The following MND1 variants were observed in gnomAD, a reference collection of about 807,000 sequenced individuals.
MND1 encodes the protein meiotic nuclear division protein 1 homolog.
Under a neutral mutation model 35.1 loss-of-function variants are expected in MND1, and 28 were observed. That is an observed-to-expected ratio of 0.80 (90% CI 0.59 to 1.09). The LOEUF is 1.09. MND1 is among the 50% of genes least tolerant of loss of function. The pLI is 0.00. For synonymous variants in MND1, 69 were observed against 70.5 expected (o/e 0.98, Z 0.11); for missense variants, 213 against 239.6 (o/e 0.89, Z 0.73).
intron 2 of MND1, among the ~76,000 whole-genome samples, chr4:153,354,543 C>G (rs1579895936): frequency 1.3e-5 from 2 of 152,120 alleles, no homozygotes; most frequent in East Asian, 3.9e-4. Context: ...TATACTCTTG[C>G]CCAGGCTGGA....
chr4:153,392,047 A>G (rs996313499), intron 4 of MND1, among the ~76,000 whole-genome samples: 1 of 152,120 alleles, frequency 6.6e-6, no homozygotes, highest in Admixed American at 6.6e-5. Flanking sequence ...TACTCTTTAC[A>G]TATAACTAGA....
In MND1 at chr4:153,394,355, A is replaced by G; in HGVS notation, c.351+19A>G. ...TGAAACGGTAAGTTTGTGTCTATAG[A>G]TTATTTTAATAATGGCAATTCTAAA... On this transcript the variant is annotated intron_variant, in intron 5 of 7. Coordinates refer to ENST00000240488, the MANE Select transcript of MND1 (RefSeq NM_032117.4). 1 of 1,589,916 alleles carries G rather than the reference A, an allele frequency of 6.3e-7. No homozygotes were observed. The highest frequency in any genetic ancestry group is 8.6e-7 in the Non-Finnish European group (1 of 1,163,432).
chr4:153,371,841 TG>T (rs1454194853), intron 4 of MND1, among the ~76,000 whole-genome samples: 26 of 152,284 alleles, frequency 1.7e-4, no homozygotes, highest in Admixed American at 1.5e-3. Flanking sequence ...CCGCCTGTTT[TG>T]GCTTTTGACT....
intron 4 of MND1, among the ~76,000 whole-genome samples, chr4:153,371,778 A>C (rs1205916915): frequency 6.6e-6 from 1 of 152,132 alleles, no homozygotes; most frequent in African/African-American, 2.4e-5. Flanking sequence ...TTCTTTCAGG[A>C]ACTTTTCCCT....
chr4:153,382,895 A>G (rs1728747487), intron 4 of MND1, among the ~76,000 whole-genome samples: 1 of 152,234 alleles, frequency 6.6e-6, no homozygotes, highest in Non-Finnish European at 1.5e-5. Flanking sequence ...TGAATCAAGT[A>G]TGAGAAACTT....
intron 4 of MND1, chr4:153,381,911 A>C (rs1482819338): frequency 6.6e-6 from 1 of 150,954 alleles, no homozygotes; most frequent in Non-Finnish European, 1.5e-5. Flanking sequence ...AACTTAGTGT[A>C]GACACCTGAT....
intron 4 of MND1, chr4:153,362,983 A>G (rs947375467): frequency 1.0e-5 from 10 of 984,500 alleles, no homozygotes; most frequent in Admixed American, 1.2e-4. Flanking sequence ...TTGTTTTCCT[A>G]TAGGTGACTT....
chr4:153,379,325 GAA>G (rs375547555), intron 4 of MND1, among the ~76,000 whole-genome samples: 2 of 132,080 alleles, frequency 1.5e-5, no homozygotes, highest in Admixed American at 7.6e-5. Flanking sequence ...AAGAAGAAAA[GAA>G]AAAAAAAAAG....
At chr4:153,363,623 G>A (rs1358971797) in intron 4 of MND1, among the ~76,000 whole-genome samples, 1 of 152,178 alleles carries the variant, frequency 6.6e-6, no homozygotes, top group Non-Finnish European at 1.5e-5. Flanking sequence ...TCAGTCAGTT[G>A]TAGGAGGACA....
chr4:153,379,861 A>C (rs28593462), intron 4 of MND1, among the ~76,000 whole-genome samples: 33 of 138,578 alleles, frequency 2.4e-4, no homozygotes, highest in South Asian at 5.1e-4. Flanking sequence ...AAAAAAAAAA[A>C]AAAAAAAAAA....
chr4:153,361,945 C>T (rs376025087), intron 4 of MND1, among the ~76,000 whole-genome samples: 5 of 152,104 alleles, frequency 3.3e-5, no homozygotes, highest in South Asian at 4.1e-4. Context: ...CTCATTCTAT[C>T]GTCTATGTTG....
chr4:153,367,121 T>C (rs1773656876), intron 4 of MND1, among the ~76,000 whole-genome samples: 1 of 152,230 alleles, frequency 6.6e-6, no homozygotes, highest in South Asian at 2.1e-4. Context: ...TATCTCTCTT[T>C]TTTTTCAACA....
At chr4:153,366,154 A>G (rs936676117) in intron 4 of MND1, among the ~76,000 whole-genome samples, 2 of 152,164 alleles carry the variant, frequency 1.3e-5, no homozygotes, top group African/African-American at 4.8e-5. Flanking sequence ...TCTTGGTCAC[A>G]TTGCTTTCTG....
At chr4:153,412,332 GAT>G (rs746662593) in intron 7 of MND1, among the ~76,000 whole-genome samples, 3 of 152,122 alleles carry the variant, frequency 2.0e-5, no homozygotes, top group Non-Finnish European at 4.4e-5. Flanking sequence ...AAACATCACA[GAT>G]AGGGTGGCTT....
chr4:153,403,452 T>A (rs1291426278), intron 6 of MND1, among the ~76,000 whole-genome samples: 1 of 152,184 alleles, frequency 6.6e-6, no homozygotes, highest in Non-Finnish European at 1.5e-5. Context: ...CTCTGTTCAA[T>A]TAATAGCTTG....
At chr4:153,400,157 C>T (rs995202390) in intron 6 of MND1, among the ~76,000 whole-genome samples, 4 of 152,100 alleles carry the variant, frequency 2.6e-5, no homozygotes, top group South Asian at 2.1e-4. Flanking sequence ...AGTTCTCTCC[C>T]CTTGGCCTCC....
chr4:153,371,081 G>C (rs1201315044), intron 4 of MND1, among the ~76,000 whole-genome samples: 1 of 152,078 alleles, frequency 6.6e-6, no homozygotes, highest in African/African-American at 2.4e-5. Context: ...TCATTGGGCA[G>C]TAATATTTTG....
chr4:153,405,848 A>G (rs1729491223), intron 6 of MND1, among the ~76,000 whole-genome samples: 1 of 152,160 alleles, frequency 6.6e-6, no homozygotes, highest in Non-Finnish European at 1.5e-5. Context: ...TCTGTCACCC[A>G]GGCTGGAGTA....
intron 2 of MND1, among the ~76,000 whole-genome samples, chr4:153,355,160 T>C (rs899155678): frequency 3.0e-5 from 3 of 100,674 alleles, no homozygotes; most frequent in African/African-American, 2.1e-4. Context: ...TGAAACCATG[T>C]CTCAAAAAAA....
Sources: allele counts gnomAD v4.1 joint callset (sites outside exome capture counted in the v4.1 genomes callset), GRCh38; gene constraint gnomAD v4.1.1; transcripts MANE v1.5; gene names NCBI Gene and HGNC (gene_info 2026-07-23, HGNC 2026-07-21).